Variants in KMT2D observed in about 807,000 individuals in gnomAD.
KMT2D encodes histone-lysine N-methyltransferase 2D.
A neutral mutation model predicts 512.7 loss-of-function variants in KMT2D; 55 were observed. That is an observed-to-expected ratio of 0.11 (90% CI 0.09 to 0.13). The LOEUF is 0.13. Among genes scored for constraint, KMT2D ranks in the 10% least tolerant of loss-of-function variants. The pLI, the probability that KMT2D is intolerant of heterozygous loss-of-function variation, is 1.00. For missense variants in KMT2D, 6,061 were observed against 7,127.9 expected (o/e 0.85, Z 5.39); for synonymous variants, 2,995 against 2,904.0 (o/e 1.03, Z -1.01).
chr12:49,037,574 T>C lies in KMT2D; in HGVS notation c.9782A>G (p.Gln3261Arg). The C allele has an allele frequency of 6.4e-7, 1 of 1,554,116 alleles. No homozygotes were observed. The highest frequency in any genetic ancestry group is 1.4e-5 in the African/African-American group (1 of 73,288). The change falls in exon 35 of 55, where the codon CAG becomes CGG. Residue 3261 changes from glutamine to arginine, a missense_variant. Coordinates refer to ENST00000301067, the MANE Select transcript of KMT2D (RefSeq NM_003482.4). Reference sequence around the variant, plus strand: ...CTGTGCTGAAAGCTGCTGCTTCTTCTGCAGCTCCTTCTTCTCATGCTCCAA... The same window carrying C: ...CTGTGCTGAAAGCTGCTGCTTCTTCCGCAGCTCCTTCTTCTCATGCTCCAA... The part of the protein sequence containing the change: ...DLLEHEKKEL[Q>R]KKQQLSAQLQ...
rs1555198569 is a variant in KMT2D, at chr12:49,054,279, C to A, written c.510+28G>T. 6.4e-7 allele frequency: 1 copy of A among 1,561,728 alleles called. No homozygotes were observed. The highest frequency in any genetic ancestry group is 2.4e-5 in the East Asian group (1 of 42,008). On this transcript the variant is annotated intron_variant, in intron 5 of 54. Coordinates refer to ENST00000301067, the MANE Select transcript of KMT2D (RefSeq NM_003482.4). The surrounding 1 kb of genome is among the most constrained non-coding windows in gnomAD (Gnocchi z 6.4). ...AGAAGCCCACCAGCCCTGCCCTTCACCTATGCAATCCCCTGGCCCAGCCCC... is the reference window on the plus strand; with the variant it reads ...AGAAGCCCACCAGCCCTGCCCTTCAACTATGCAATCCCCTGGCCCAGCCCC...
chr12:49,052,400 G>C lies in KMT2D; in HGVS notation c.1283C>G (p.Pro428Arg). ...CTCGTTTAGGGGGGCCTCCAACTGG[G>C]GCTCAAGTTGGACCCCTGCTTTCCC... Reference protein sequence around the residue: ...PLGKAGVQLEPQLEAPLNEEM... With the variant: ...PLGKAGVQLERQLEAPLNEEM... The change falls in exon 11 of 55, where the codon CCC becomes CGC. Residue 428 changes from proline (P) to arginine (R), a missense_variant. Transcript: ENST00000301067. The C allele has an allele frequency of 6.5e-7, 1 of 1,541,330 alleles. No homozygotes were observed. The highest frequency in any genetic ancestry group is 8.7e-7 in the Non-Finnish European group (1 of 1,143,798).
At position 49,050,426 on chromosome 12, in the gene KMT2D, C is replaced by T. The variant is rs574030868; in HGVS notation, c.3162G>A (p.Pro1054=). ...PPALPLSVPS[P]LSPIGKVVGV... ...CCACTACCTTCCCTATGGGACTCAA[C>T]GGGGAGGGAACGGACAGTGGTAGGG... Residue 1054 remains proline, a synonymous_variant, in exon 12 of 55, where the codon CCG becomes CCA. Transcript: ENST00000301067. 2.9e-5 allele frequency: 47 copies of T among 1,613,674 alleles called. No homozygotes were observed. The highest frequency in any genetic ancestry group is 3.3e-4 in the Middle Eastern group (2 of 6,062).
At position 49,044,318 on chromosome 12, in the gene KMT2D, G is replaced by A. The variant is rs2120581332; in HGVS notation, c.5084-14C>T. 6.2e-7 allele frequency: 1 copy of A among 1,613,908 alleles called. No individual in the cohort carries two copies. The highest frequency in any genetic ancestry group is 1.3e-5 in the African/African-American group (1 of 75,034). On this transcript the variant is annotated splice_polypyrimidine_tract_variant and intron_variant, in intron 21 of 54. Coordinates refer to ENST00000301067, the MANE Select transcript of KMT2D (RefSeq NM_003482.4). This position sits in a 1 kb window ranked among gnomAD's most constrained non-coding sequence, Gnocchi z 6.4. ...AACCACCAATGCCTATGAGGAGGCA[G>A]AGTTGTGGATGAGAAGCCGCTGGGG...
chr12:49,027,385 C>G (rs1942655337), intron 48 of KMT2D, 63 bp from the exon 49 acceptor site: 1 of 1,358,562 alleles, frequency 7.4e-7, no homozygotes, highest in Admixed American at 2.5e-5. Context: ...CCTCCTTCCC[C>G]TCACCCATAT....
chr12:49,044,858 G>A lies in KMT2D; in HGVS notation c.4849C>T (p.Arg1617Trp), dbSNP rs759226682. The A allele has an allele frequency of 1.1e-5, 18 of 1,614,084 alleles. No homozygotes were observed. Among genetic ancestry groups the A allele is most frequent in the Admixed American group, 1.7e-5 (1 of 60,034 alleles). Reference sequence around the variant, plus strand: ...CCTGCCTCGCCTGGGAGGCCAAGCCGTCCTCGCCGTTGGCGCCGCTTGTGC... The same window carrying A: ...CCTGCCTCGCCTGGGAGGCCAAGCCATCCTCGCCGTTGGCGCCGCTTGTGC... ...PLHKRRQRRG[R>W]LGLPGEAGLE... The change falls in exon 20 of 55, where the codon CGG becomes TGG. Residue 1617 changes from arginine to tryptophan, a missense_variant. Arg to Trp is a moderately radical substitution (Grantham distance 101). Around this residue, in one of 16 missense-constraint regions of KMT2D, gnomAD observed 640 missense variants for 814.3 expected, o/e 0.79. Coordinates refer to ENST00000301067, the MANE Select transcript of KMT2D (RefSeq NM_003482.4). This position sits in a 1 kb window ranked among gnomAD's most constrained non-coding sequence, Gnocchi z 6.4.
Position 49,024,971 on chromosome 12 carries a change from C to A in KMT2D, c.15785-25G>T, listed in dbSNP as rs778894911. 4 of 1,575,770 alleles carry A rather than the reference C, an allele frequency of 2.5e-6. No homozygotes were observed. Among genetic ancestry groups the A allele is most frequent in the Admixed American group, 1.8e-5 (1 of 54,420 alleles). On this transcript the variant is annotated intron_variant, in intron 49 of 54. Coordinates refer to ENST00000301067, the MANE Select transcript of KMT2D (RefSeq NM_003482.4). The surrounding 1 kb of genome is among the most constrained non-coding windows in gnomAD (Gnocchi z 4.5). ...GCTAAGAAGCAGGGAAGAGAGCAGT[C>A]CTCAGAGGCAACTTCTGCTCACTGA...
In KMT2D at chr12:49,054,034, G is replaced by T. The variant is rs1282433002; in HGVS notation, c.617C>A (p.Ser206Tyr). The change falls in exon 6 of 55, where the codon TCC becomes TAC. Residue 206 changes from serine to tyrosine, a missense_variant. Coordinates refer to ENST00000301067, the MANE Select transcript of KMT2D (RefSeq NM_003482.4). This position sits in a 1 kb window ranked among gnomAD's most constrained non-coding sequence, Gnocchi z 6.4. ...GCATAGCAGCTGCAGTGTTTTCATG[G>T]ATAGGAAGGAACCGCTGGCAGTCGC... is the stretch of plus-strand genomic sequence containing the variant. ...PCATASGSFL[S>Y]MKTLQLLCPE... 6.2e-7 allele frequency: 1 copy of T among 1,613,962 alleles called. No individual in the cohort carries two copies. The highest frequency in any genetic ancestry group is 8.5e-7 in the Non-Finnish European group (1 of 1,179,892).
chr12:49,031,335 T>A lies in KMT2D; in HGVS notation c.13370A>T (p.Glu4457Val). 1 of 1,613,662 alleles carries A rather than the reference T, an allele frequency of 6.2e-7. No homozygotes were observed. Among genetic ancestry groups the A allele is most frequent in the Non-Finnish European group, 8.5e-7 (1 of 1,179,894 alleles). Residue 4457 changes from glutamate to valine, a missense_variant, in exon 40 of 55, where the codon GAA (glutamate) becomes GTA (valine). By Grantham distance (121) the Glu-to-Val change is moderately radical. Around this residue, in one of 16 missense-constraint regions of KMT2D, gnomAD observed 1,600 missense variants for 1,754.9 expected, o/e 0.91. Coordinates refer to ENST00000301067, the MANE Select transcript of KMT2D (RefSeq NM_003482.4). ...CTTCTGCAAGAGCAGATGCCCAGCTTCTGAGCGAGGGCCTGCCAGCAGGAG... is the reference window on the plus strand; with the variant it reads ...CTTCTGCAAGAGCAGATGCCCAGCTACTGAGCGAGGGCCTGCCAGCAGGAG... ...NHLLLAGPRS[E>V]AGHLLLQKLL...
chr12:49,029,366 T>G, intron 44 of KMT2D, 35 bp downstream of exon 44: 7 of 1,556,024 alleles, frequency 4.5e-6, no homozygotes, highest in Non-Finnish European at 6.1e-6. Flanking sequence ...TACCCCACCC[T>G]TGTTCCTCAT....
In KMT2D at chr12:49,041,855, T is replaced by C; in HGVS notation, c.6183+62A>G. The C allele has an allele frequency of 6.5e-7, 1 of 1,539,706 alleles. No homozygotes were observed. Among genetic ancestry groups the C allele is most frequent in the Admixed American group, 1.9e-5 (1 of 51,640 alleles). ...GGGAGCGGAAAGAACTGAGGTAAAT[T>C]ACCCAAAGATCCCTCCCTCCCTCTC... On this transcript the variant is annotated intron_variant, in intron 30 of 54. Coordinates refer to ENST00000301067, the MANE Select transcript of KMT2D (RefSeq NM_003482.4). The surrounding 1 kb of genome is among the most constrained non-coding windows in gnomAD (Gnocchi z 5.4).
rs371222896 is a variant in KMT2D, at chr12:49,044,002, T to C, written c.5189-4A>G. The C allele has an allele frequency of 1.7e-5, 28 of 1,613,886 alleles. No homozygotes were observed. The highest frequency in any genetic ancestry group is 3.3e-5 in the South Asian group (3 of 91,090). Reference sequence around the variant, plus strand: ...GCAGGCAGGTCAGCAGGTATCACTGTGGACAGAACGGAAGTGTCAGACTCG... The same window carrying C: ...GCAGGCAGGTCAGCAGGTATCACTGCGGACAGAACGGAAGTGTCAGACTCG... On this transcript the variant is annotated splice_region_variant and splice_polypyrimidine_tract_variant and intron_variant, in intron 22 of 54. Transcript: ENST00000301067. The surrounding 1 kb of genome is among the most constrained non-coding windows in gnomAD (Gnocchi z 6.4).
At position 49,054,858 on chromosome 12, in the gene KMT2D, G is replaced by A. The variant is rs769326226; in HGVS notation, c.176+42C>T. ...TTTTCCTAAATTCTCTTCCTTGAAA[G>A]CCCTAGACTCTCAAATCCTCATGTG... On this transcript the variant is annotated intron_variant, in intron 3 of 54. Transcript: ENST00000301067. This position sits in a 1 kb window ranked among gnomAD's most constrained non-coding sequence, Gnocchi z 6.4. 5.6e-6 allele frequency: 9 copies of A among 1,606,884 alleles called. 1 individual carries two copies. In the South Asian group the frequency reaches 6.6e-5, roughly 12 times the overall value.
Position 49,021,785 on chromosome 12 carries a change from T to C in KMT2D, c.16609A>G (p.Asn5537Asp). The change falls in exon 55 of 55, where the codon AAC (asparagine) becomes GAC (aspartate). Residue 5537 changes from asparagine to aspartate, a missense_variant. Around this residue, in one of 16 missense-constraint regions of KMT2D, gnomAD observed 44 missense variants for 194.7 expected, o/e 0.23. Coordinates refer to ENST00000301067, the MANE Select transcript of KMT2D (RefSeq NM_003482.4). ...CCTGGTAGCCTCAAAGCTTCTTAGT[T>C]CATCCATTTCCGACAATTCCAGGCT... ...CGAWNCRKWM[N>D] The C allele has an allele frequency of 6.2e-7, 1 of 1,613,306 alleles. No homozygotes were observed. The highest frequency in any genetic ancestry group is 8.5e-7 in the Non-Finnish European group (1 of 1,179,204).
Position 49,043,666 on chromosome 12 carries a change from T to G in KMT2D, c.5436A>C (p.Ser1812=). Residue 1812 remains serine, a synonymous_variant, in exon 24 of 55, where the codon TCA becomes TCC. Transcript: ENST00000301067. ...GCGATGTGGGGAGTTCCTTCCTTTC[T>G]GAGCCTCCATCTCCCTTGGCTTTTG... ...GTPKAKGDGG[S]ERKELPTSQK... The G allele has an allele frequency of 1.2e-6, 2 of 1,614,052 alleles. No homozygotes were observed.
rs1044932556 is a variant in KMT2D at position 49,043,542 on chromosome 12, G to A, written c.5467+93C>T. On this transcript the variant is annotated intron_variant, in intron 24 of 54. Coordinates refer to ENST00000301067, the MANE Select transcript of KMT2D (RefSeq NM_003482.4). ...ACCCTTGACCCCACCCTTGACTCCT[G>A]GAGGCCAGTCCATTTCCCATCAAAT... The A allele has an allele frequency of 5.0e-6, 8 of 1,593,370 alleles. No homozygotes were observed. In the African/African-American group the frequency reaches 1.1e-4, roughly 21 times the overall value.
Position 49,049,558 on chromosome 12 carries a change from C to G in KMT2D, c.3906+124G>C, listed in dbSNP as rs545093199. On this transcript the variant is annotated intron_variant, in intron 12 of 54. Transcript: ENST00000301067. Reference sequence around the variant, plus strand: ...CGTATTAGTATTTTCTCCTTAATAACTGGAATAAAGGATCTCCAAGTCTAG... The same window carrying G: ...CGTATTAGTATTTTCTCCTTAATAAGTGGAATAAAGGATCTCCAAGTCTAG... The G allele has an allele frequency of 3.3e-5, 36 of 1,096,654 alleles. No individual in the cohort carries two copies. The East Asian group carries it at 9.2e-4, about 28-fold the overall frequency. The allele number at this position is 1,096,654 out of a possible 1,614,324, so 67.9% of individuals were successfully genotyped here. A position where few individuals can be genotyped will look rare whatever the true frequency, so the allele number is the denominator to read the frequency against.
intron 23 of KMT2D, 21 bp from the exon 24 acceptor site, chr12:49,043,803 AAC>A: frequency 1.2e-6 from 2 of 1,612,840 alleles, no homozygotes; most frequent in East Asian, 2.2e-5. Context: ...GTCAAGGAGA[AAC>A]AGTTTTCTTC....
chr12:49,037,767 TCAG>T lies in KMT2D; in HGVS notation c.9586_9588del (p.Leu3196del), dbSNP rs1943293196. On this transcript the variant is annotated inframe_deletion, in exon 35 of 55. Transcript: ENST00000301067. The stretch of plus-strand genomic sequence containing the variant: ...CCTGGGCCACTCAGTGGGCTGGGGG[TCAG>T]CAGGTGAGCTGGTGGTCCTCCCGTG... 2 of 1,593,230 alleles carry T rather than the reference TCAG, an allele frequency of 1.3e-6. No individual in the cohort carries two copies. The highest frequency in any genetic ancestry group is 4.6e-5 in the East Asian group (2 of 43,928).
Sources: gnomAD v4.1 joint callset for allele counts on GRCh38, gnomAD v4.1.1 for gene constraint, gnomAD v4.1.1 regional missense constraint, Gnocchi (gnomAD v3.1) non-coding constraint, MANE v1.5 for transcripts, NCBI Gene and HGNC (gene_info 2026-07-23, HGNC 2026-07-21) for gene names.